Variants in CACNA2D2 observed in about 807,000 individuals in gnomAD.
CACNA2D2 encodes voltage-dependent calcium channel subunit alpha-2/delta-2.
CACNA2D2 carries 48 observed loss-of-function variants against 166.4 expected under a neutral mutation model. The ratio of observed to expected loss-of-function variants is 0.29; its 90% CI spans 0.23 to 0.37. The LOEUF is 0.37. CACNA2D2 is among the 10% of genes least tolerant of loss of function. The pLI, the probability that CACNA2D2 is intolerant of heterozygous loss-of-function variation, is 1.00. For missense variants in CACNA2D2, 1,122 were observed against 1,433.0 expected (o/e 0.78, Z 3.50); for synonymous variants, 561 against 573.7 (o/e 0.98, Z 0.32).
intron 3 of CACNA2D2, among the ~76,000 whole-genome samples, chr3:50,408,695 T>TTGC (rs975045373): frequency 2.6e-5 from 4 of 152,242 alleles, no homozygotes; most frequent in Admixed American, 2.6e-4. Flanking sequence ...TGGCTTCTGC[T>TTGC]TGCTGCTGCC....
At chr3:50,369,791 G>C (rs1480150567) in intron 23 of CACNA2D2, among the ~76,000 whole-genome samples, 1 of 152,216 alleles carries the variant, frequency 6.6e-6, no homozygotes, top group Non-Finnish European at 1.5e-5. Flanking sequence ...TCATCTGATG[G>C]AGCAGCTCCT....
At chr3:50,430,456 G>A (rs1439648573) in intron 3 of CACNA2D2, among the ~76,000 whole-genome samples, 1 of 152,242 alleles carries the variant, frequency 6.6e-6, no homozygotes, top group African/African-American at 2.4e-5. Flanking sequence ...GAAACCAGAA[G>A]TGCTGGGCAG....
At chr3:50,483,393 T>C (rs1698138985) in intron 1 of CACNA2D2, among the ~76,000 whole-genome samples, 1 of 152,224 alleles carries the variant, frequency 6.6e-6, no homozygotes, top group African/African-American at 2.4e-5. Flanking sequence ...CATGTGTGCC[T>C]TGGGACCCTG....
At chr3:50,432,617 T>C (rs1575677551) in intron 3 of CACNA2D2, among the ~76,000 whole-genome samples, 1 of 152,162 alleles carries the variant, frequency 6.6e-6, no homozygotes, top group Admixed American at 6.5e-5. Context: ...GAGGCGAGCG[T>C]AATGGGCTGC....
In CACNA2D2 at chr3:50,367,284, C is replaced by CCAGCCTTGTGTTGGAGAGGGGCCTCAGA; in HGVS notation, c.2401+82_2401+109dup. Reference sequence around the variant, plus strand: ...CTTTTCACGTCTGCCCTGGCCTCAGCCAGCCTTGTGTTGGAGAGGGGCCTC... The same window carrying CCAGCCTTGTGTTGGAGAGGGGCCTCAGA: ...CTTTTCACGTCTGCCCTGGCCTCAGCCAGCCTTGTGTTGGAGAGGGGCCTCAGACAGCCTTGTGTTGGAGAGGGGCCTC... On this transcript the variant is annotated intron_variant, in intron 27 of 37. Coordinates refer to ENST00000424201, the MANE Select transcript of CACNA2D2 (RefSeq NM_006030.4). The surrounding 1 kb of genome is among the most constrained non-coding windows in gnomAD (Gnocchi z 6.5). 8.8e-7 allele frequency: 1 copy of CCAGCCTTGTGTTGGAGAGGGGCCTCAGA among 1,142,586 alleles called. No homozygotes were observed. The highest frequency in any genetic ancestry group is 1.5e-5 in the African/African-American group (1 of 65,258). The allele number at this position is 1,142,586 out of a possible 1,614,324, so 70.8% of individuals were successfully genotyped here.
rs769855676 is a variant in CACNA2D2 at position 50,367,491 on chromosome 3, A to G, written c.2304T>C (p.Ala768=). The G allele has an allele frequency of 5.0e-6, 8 of 1,613,766 alleles. No individual in the cohort carries two copies. In the South Asian group the frequency reaches 8.8e-5, roughly 18 times the overall value. The change falls in exon 27 of 38, where the codon GCT becomes GCC. Residue 768 remains alanine (A), a synonymous_variant. Transcript: ENST00000424201. This position sits in a 1 kb window ranked among gnomAD's most constrained non-coding sequence, Gnocchi z 6.5. The part of the protein sequence containing the change: ...GITRVFPNKA[A]EDWTENPEPF... ...GCTCAGGGTTCTCTGTCCAGTCCTC[A>G]GCTGCCCTGGAGCACCCAAGAGGCA...
Position 50,493,149 on chromosome 3 carries a change from C to A in CACNA2D2, c.206+10069G>T, listed in dbSNP as rs984590205. ...GGCCCCAACTCCCACCCTCAAGCCTCTCCTCTGACCCTGCAGCCGACACTG... is the reference window on the plus strand; with the variant it reads ...GGCCCCAACTCCCACCCTCAAGCCTATCCTCTGACCCTGCAGCCGACACTG... On this transcript the variant is annotated intron_variant, in intron 1 of 37. Coordinates refer to ENST00000424201, the MANE Select transcript of CACNA2D2 (RefSeq NM_006030.4). Among the ~76,000 whole-genome samples the A allele has an allele frequency of 2.0e-5, 3 of 152,214 alleles. No individual in the cohort carries two copies. The East Asian group carries it at 5.8e-4, about 29-fold the overall frequency.
intron 3 of CACNA2D2, among the ~76,000 whole-genome samples, chr3:50,429,993 G>C (rs1707995296): frequency 6.6e-6 from 1 of 152,208 alleles, no homozygotes; most frequent in South Asian, 2.1e-4. Context: ...CTGACCCTTA[G>C]GACAATGGGA....
At position 50,379,514 on chromosome 3, in the gene CACNA2D2, T is replaced by C; in HGVS notation, c.1070A>G (p.Lys357Arg). 6.2e-7 allele frequency: 1 copy of C among 1,614,002 alleles called. No homozygotes were observed. Among genetic ancestry groups the C allele is most frequent in the South Asian group, 1.1e-5 (1 of 91,084 alleles). The change falls in exon 11 of 38, where the codon AAG becomes AGG. Residue 357 changes from lysine (K) to arginine (R), a missense_variant. This residue lies in a region of CACNA2D2 where 840 missense variants were observed against 1,166.8 expected (regional missense o/e 0.72). Coordinates refer to ENST00000424201, the MANE Select transcript of CACNA2D2 (RefSeq NM_006030.4). The surrounding 1 kb of genome is among the most constrained non-coding windows in gnomAD (Gnocchi z 6.5). ...GGCCACCATGCCCTGCACAGCTTCC[T>C]TGAACACCTTCTTGTTGCGCACATT... ...QANVRNKKVF[K>R]EAVQGMVAKG...
At chr3:50,479,791 C>G (rs1364607564) in intron 1 of CACNA2D2, among the ~76,000 whole-genome samples, 1 of 152,250 alleles carries the variant, frequency 6.6e-6, no homozygotes, top group Non-Finnish European at 1.5e-5. Context: ...AATCAAGTGC[C>G]TGGCTCAGCC....
At chr3:50,438,040 G>A (rs927214268) in intron 2 of CACNA2D2, among the ~76,000 whole-genome samples, 1 of 152,232 alleles carries the variant, frequency 6.6e-6, no homozygotes, top group Non-Finnish European at 1.5e-5. Flanking sequence ...GATAGGGAGG[G>A]AGAGGCAGCA....
intron 4 of CACNA2D2, among the ~76,000 whole-genome samples, chr3:50,393,716 AG>A (rs1705999839): frequency 6.6e-6 from 1 of 152,224 alleles, no homozygotes; most frequent in Non-Finnish European, 1.5e-5. Flanking sequence ...AAGTCAGGGA[AG>A]GGCATTTGGT....
In CACNA2D2 at chr3:50,366,599, C is replaced by T. The variant is rs1286525418; in HGVS notation, c.2616G>A (p.Met872Ile). 6.2e-7 allele frequency: 1 copy of T among 1,613,992 alleles called. No individual in the cohort carries two copies. The highest frequency in any genetic ancestry group is 1.7e-5 in the Admixed American group (1 of 60,030). ...QKCGPNSHCE[M>I]DCEVNNEDLL... ...ACACCTCATTGTTAACCTCGCAGTC[C>T]ATCTCACAGTGGCTGTTGGGGCCGC... The change falls in exon 30 of 38, where the codon ATG becomes ATA. Residue 872 changes from methionine to isoleucine, a missense_variant. Met to Ile is a conservative substitution (Grantham distance 10). Around this residue, in one of 2 missense-constraint regions of CACNA2D2, gnomAD observed 840 missense variants for 1,166.8 expected, o/e 0.72. Transcript: ENST00000424201. This position sits in a 1 kb window ranked among gnomAD's most constrained non-coding sequence, Gnocchi z 5.9.
At chr3:50,369,525 C>T (rs1008536418) in intron 23 of CACNA2D2, among the ~76,000 whole-genome samples, 14 of 152,254 alleles carry the variant, frequency 9.2e-5, no homozygotes, top group African/African-American at 1.7e-4. Flanking sequence ...CATGCACATA[C>T]GTGCACACAC....
chr3:50,452,628 G>A (rs1689894068), intron 2 of CACNA2D2, among the ~76,000 whole-genome samples: 1 of 152,202 alleles, frequency 6.6e-6, no homozygotes, highest in Admixed American at 6.5e-5. Context: ...TCAATGCTTT[G>A]GAGAAAGACA....
intron 2 of CACNA2D2, among the ~76,000 whole-genome samples, chr3:50,456,656 CT>C (rs1301928021): frequency 6.6e-6 from 1 of 152,202 alleles, no homozygotes; most frequent in East Asian, 1.9e-4. Context: ...ACACTCTGCC[CT>C]TTCTCACTCA....
intron 2 of CACNA2D2, among the ~76,000 whole-genome samples, chr3:50,452,913 C>T (rs1336494750): frequency 6.6e-6 from 1 of 152,206 alleles, no homozygotes; most frequent in African/African-American, 2.4e-5. Flanking sequence ...TTGACCCCCA[C>T]TAAACTCTCT....
chr3:50,384,471 A>G, intron 5 of CACNA2D2, 134 bp from the exon 6 acceptor site: 1 of 1,042,046 alleles, frequency 9.6e-7, no homozygotes, highest in Non-Finnish European at 1.4e-6. Context: ...CTATTGCAGT[A>G]GGAGACACAG....
chr3:50,462,777 G>A (rs958812386), intron 2 of CACNA2D2, among the ~76,000 whole-genome samples: 13 of 152,088 alleles, frequency 8.5e-5, no homozygotes, highest in African/African-American at 3.1e-4. Flanking sequence ...GGAGGGGGCT[G>A]CTGTGCTCCT....
Sources: allele counts gnomAD v4.1 joint callset (sites outside exome capture counted in the v4.1 genomes callset), GRCh38; gene constraint gnomAD v4.1.1; regional missense constraint gnomAD v4.1.1; non-coding constraint Gnocchi (gnomAD v3.1); transcripts MANE v1.5; gene names NCBI Gene and HGNC (gene_info 2026-07-23, HGNC 2026-07-21).